The following PPFIA2 variants were observed in gnomAD, a reference collection of about 807,000 sequenced individuals.
PPFIA2 encodes PPFI scaffold protein A2, also known as liprin-alpha-2.
A neutral mutation model predicts 175.5 loss-of-function variants in PPFIA2; 46 were observed. The observed-to-expected ratio is 0.26, with a 90% CI of 0.21 to 0.34. The LOEUF is 0.34. Among genes scored for constraint, PPFIA2 ranks in the 10% least tolerant of loss-of-function variants. PPFIA2 has a pLI of 1.00. For missense variants in PPFIA2, 1,179 were observed against 1,506.1 expected, an observed-to-expected ratio of 0.78 and a Z score of 3.60; for synonymous variants, 568 against 511.4, an observed-to-expected ratio of 1.11 and a Z score of -1.49.
intron 7 of PPFIA2, among the ~76,000 whole-genome samples, chr12:81,429,247 T>C (rs1177615132): frequency 6.6e-6 from 1 of 152,050 alleles, no homozygotes; most frequent in Non-Finnish European, 1.5e-5. Context: ...GAGGAAGAGA[T>C]AGAATTTAAA....
chr12:81,651,887 C>A (rs1389462790), intron 4 of PPFIA2, among the ~76,000 whole-genome samples: 1 of 152,016 alleles, frequency 6.6e-6, no homozygotes, highest in African/African-American at 2.4e-5. Context: ...TTGAAGATAG[C>A]ATCCCCTTGT....
At chr12:81,665,983 T>G (rs1471827451) in intron 4 of PPFIA2, among the ~76,000 whole-genome samples, 1 of 152,078 alleles carries the variant, frequency 6.6e-6, no homozygotes, top group Non-Finnish European at 1.5e-5. Context: ...AAGAAGACAT[T>G]TATGCAGCCA....
intron 4 of PPFIA2, among the ~76,000 whole-genome samples, chr12:81,563,590 A>G (rs766158048): frequency 6.6e-6 from 1 of 152,228 alleles, no homozygotes; most frequent in Non-Finnish European, 1.5e-5. Context: ...ATATGACTCA[A>G]GAACAACCCC....
intron 4 of PPFIA2, among the ~76,000 whole-genome samples, chr12:81,470,082 G>A (rs974523629): frequency 1.3e-5 from 2 of 152,164 alleles, no homozygotes; most frequent in Admixed American, 6.5e-5. Flanking sequence ...GGAAGCCAGA[G>A]TTAATTAATA....
At chr12:81,568,500 C>T (rs1319436567) in intron 4 of PPFIA2, among the ~76,000 whole-genome samples, 1 of 152,164 alleles carries the variant, frequency 6.6e-6, no homozygotes, top group Non-Finnish European at 1.5e-5. Flanking sequence ...CGGCCCTCCA[C>T]CTTTACTGCT....
At chr12:81,368,601 AT>A in intron 13 of PPFIA2, 123 bp downstream of exon 13, 3 of 1,012,926 alleles carry the variant, frequency 3.0e-6, no homozygotes, top group Admixed American at 2.8e-5. Context: ...TTCTAAGAAT[AT>A]ACCAGGCATT....
intron 4 of PPFIA2, chr12:81,546,539 T>C (rs1246097928): frequency 6.6e-6 from 1 of 152,182 alleles, no homozygotes; most frequent in Non-Finnish European, 1.5e-5. Flanking sequence ...AAATTTATTT[T>C]ATTTAAAAAC....
At chr12:81,512,689 T>C (rs529913053) in intron 4 of PPFIA2, among the ~76,000 whole-genome samples, 8 of 152,070 alleles carry the variant, frequency 5.3e-5, no homozygotes, top group African/African-American at 1.9e-4. Flanking sequence ...CTCACTCCCC[T>C]CCCATTCTTC....
rs903319636 is a variant in PPFIA2 at position 81,486,741 on chromosome 12, C to T, written c.304-28875G>A. 5.3e-5 allele frequency among the ~76,000 whole-genome samples: 8 copies of T among 151,962 alleles called. No homozygotes were observed. In the East Asian group the frequency reaches 1.4e-3, roughly 26 times the overall value. ...AACTTCAGTTTAGAAAAGTAGTACT[C>T]ATATCCACTCTTGGCTGACAGTAAT... On this transcript the variant is annotated intron_variant, in intron 4 of 32. Transcript: ENST00000549396.
chr12:81,722,374 C>T (rs2079470109), intron 3 of PPFIA2, among the ~76,000 whole-genome samples: 2 of 151,070 alleles, frequency 1.3e-5, no homozygotes, highest in Admixed American at 6.6e-5. Context: ...GATTTACTGT[C>T]CATCAAGTCA....
intron 22 of PPFIA2, among the ~76,000 whole-genome samples, chr12:81,301,304 A>G (rs1347080485): frequency 2.0e-5 from 3 of 152,162 alleles, no homozygotes; most frequent in African/African-American, 7.2e-5. Context: ...ACTTCTAGTT[A>G]TGTCATAGGT....
At chr12:81,699,355 A>C (rs1484996208) in intron 3 of PPFIA2, among the ~76,000 whole-genome samples, 1 of 151,822 alleles carries the variant, frequency 6.6e-6, no homozygotes, top group Admixed American at 6.6e-5. Flanking sequence ...AGCATTTTTA[A>C]ATTTTCATGA....
rs577813308 is a variant in PPFIA2 at position 81,356,875 on chromosome 12, T to C, written c.1773+1207A>G. On this transcript the variant is annotated intron_variant, in intron 16 of 32. Transcript: ENST00000549396. ...ACAGTAAAACAAGGTATACCTGTAA[T>C]TTTTAAGCCCAAGGCATGCTAATTT... is the stretch of plus-strand genomic sequence containing the variant. Among the ~76,000 whole-genome samples, 4 of 152,286 alleles carry C rather than the reference T, an allele frequency of 2.6e-5. 1 individual carries two copies. The East Asian group carries it at 7.7e-4, about 29-fold the overall frequency.
At chr12:81,708,040 G>A (rs1338255184) in intron 3 of PPFIA2, among the ~76,000 whole-genome samples, 2 of 112,284 alleles carry the variant, frequency 1.8e-5, no homozygotes, top group Non-Finnish European at 3.5e-5. Context: ...GGGGAGGGGG[G>A]AGGGATAGCA....
chr12:81,404,456 C>T (rs1319360694), intron 8 of PPFIA2, among the ~76,000 whole-genome samples: 1 of 152,082 alleles, frequency 6.6e-6, no homozygotes, highest in African/African-American at 2.4e-5. Context: ...GTTTCCTAAA[C>T]TGAGTGCTGA....
chr12:81,485,917 T>A (rs994126617), intron 4 of PPFIA2, among the ~76,000 whole-genome samples: 40 of 151,862 alleles, frequency 2.6e-4, no homozygotes, highest in Admixed American at 2.6e-3. Flanking sequence ...AAGTACCCCA[T>A]CTGCAATTAA....
intron 24 of PPFIA2, among the ~76,000 whole-genome samples, chr12:81,287,488 C>G (rs1427472655): frequency 6.6e-6 from 1 of 151,796 alleles, no homozygotes; most frequent in Non-Finnish European, 1.5e-5. Flanking sequence ...GGCAAACTTT[C>G]AGAAGTTGTA....
At position 81,353,058 on chromosome 12, in the gene PPFIA2, T is replaced by G. The variant is rs1216365729; in HGVS notation, c.1994+61A>C. 2.7e-6 allele frequency: 4 copies of G among 1,468,394 alleles called. No individual in the cohort carries two copies. The East Asian group carries it at 9.1e-5, about 33-fold the overall frequency. 91.0% of individuals were successfully genotyped at this position (1,468,394 alleles called of 1,614,324 possible). A position where few individuals can be genotyped will look rare whatever the true frequency, so the allele number is the denominator to read the frequency against. On this transcript the variant is annotated intron_variant, in intron 17 of 32. Coordinates refer to ENST00000549396, the MANE Select transcript of PPFIA2 (RefSeq NM_003625.5). ...TAATGCTTCTGATCTAGTAATTACATTTTTAGTACAGTATCAAGGTCTTCT... is the reference window on the plus strand; with the variant it reads ...TAATGCTTCTGATCTAGTAATTACAGTTTTAGTACAGTATCAAGGTCTTCT...
At chr12:81,315,705 TTTTGAA>T (rs755170958) in intron 22 of PPFIA2, among the ~76,000 whole-genome samples, 17 of 151,538 alleles carry the variant, frequency 1.1e-4, no homozygotes, top group Non-Finnish European at 1.9e-4. Flanking sequence ...AAAGGTTAGT[TTTTGAA>T]TGGGTGATCT....
Sources: gnomAD v4.1 joint callset for allele counts (sites outside exome capture counted in the v4.1 genomes callset) on GRCh38, gnomAD v4.1.1 for gene constraint, MANE v1.5 for transcripts, NCBI Gene and HGNC (gene_info 2026-07-23, HGNC 2026-07-21) for gene names.